The following SH3RF3 variants were observed in gnomAD, a reference collection of about 807,000 sequenced individuals.
SH3RF3 encodes SH3 domain containing ring finger 3.
Under a neutral mutation model 66.3 loss-of-function variants are expected in SH3RF3, and 29 were observed. The ratio of observed to expected loss-of-function variants is 0.44; its 90% confidence interval spans 0.33 to 0.60. The LOEUF is 0.60. Ranked by LOEUF, SH3RF3 falls within the 20% of genes least tolerant of loss-of-function variation. The pLI is 0.04. For missense variants in SH3RF3, 1,194 were observed against 1,190.9 expected, an observed-to-expected ratio of 1.00 and a Z score of -0.04; for synonymous variants, 583 against 532.0, an observed-to-expected ratio of 1.10 and a Z score of -1.32.
chr2:109,386,531 G>A (rs1295338985), intron 3 of SH3RF3, among the ~76,000 whole-genome samples: 2 of 152,228 alleles, frequency 1.3e-5, no homozygotes, highest in African/African-American at 4.8e-5. Context: ...AGCGTTAGCT[G>A]GATCTTGGGC....
chr2:109,140,868 G>A (rs1374578924), intron 1 of SH3RF3, among the ~76,000 whole-genome samples: 1 of 152,164 alleles, frequency 6.6e-6, no homozygotes, highest in Non-Finnish European at 1.5e-5. Context: ...TCTGGCCCCA[G>A]GGGTATCAGT....
rs149819704 is a variant in SH3RF3 at position 109,427,908 on chromosome 2, C to T, written c.1404-4593C>T. ...CATCCTGAGGCCATACCTGCAGCTCCCCAGGTGCTCGCGCACGCTCCTCTG... is the reference window on the plus strand; with the variant it reads ...CATCCTGAGGCCATACCTGCAGCTCTCCAGGTGCTCGCGCACGCTCCTCTG... On this transcript the variant is annotated intron_variant, in intron 5 of 9. Transcript: ENST00000309415. 1.2e-3 allele frequency among the ~76,000 whole-genome samples: 182 copies of T among 152,372 alleles called. 6 individuals carry two copies. In the East Asian group the frequency reaches 0.032, roughly 27 times the overall value.
Position 109,225,113 on chromosome 2 carries a change from CACA to C in SH3RF3, c.573+95001_573+95003del, listed in dbSNP as rs1175778952. ...AACCAACTAAGCTGGATGACACCAG[CACA>C]GTCCCTTAAATTCCCTGGCCTCAGT... On this transcript the variant is annotated intron_variant, in intron 1 of 9. Transcript: ENST00000309415. Among the ~76,000 whole-genome samples the C allele has an allele frequency of 4.5e-4, 69 of 152,300 alleles. 1 individual carries two copies. The highest frequency in any genetic ancestry group is 1.7e-3 in the African/African-American group (69 of 41,540).
In SH3RF3 at chr2:109,228,316, T is replaced by C. The variant is rs541927916; in HGVS notation, c.573+98203T>C. ...TTAATGAGCAGGTGCAATAAATGTGTTGTAGACAGCATCTCTGTTAGTCTG... is the reference window on the plus strand; with the variant it reads ...TTAATGAGCAGGTGCAATAAATGTGCTGTAGACAGCATCTCTGTTAGTCTG... On this transcript the variant is annotated intron_variant, in intron 1 of 9. Coordinates refer to ENST00000309415, the MANE Select transcript of SH3RF3 (RefSeq NM_001099289.3). Among the ~76,000 whole-genome samples the C allele has an allele frequency of 1.7e-4, 26 of 152,318 alleles. No homozygotes were observed. The South Asian group carries it at 5.2e-3, about 30-fold the overall frequency.
chr2:109,158,886 C>T (rs1363169310), intron 1 of SH3RF3, among the ~76,000 whole-genome samples: 1 of 152,138 alleles, frequency 6.6e-6, no homozygotes, highest in African/African-American at 2.4e-5. Flanking sequence ...GAAGTCAAGG[C>T]GGGTGGATCA....
At chr2:109,340,448 C>T (rs1404919164) in intron 1 of SH3RF3, among the ~76,000 whole-genome samples, 3 of 152,178 alleles carry the variant, frequency 2.0e-5, no homozygotes, top group Non-Finnish European at 4.4e-5. Flanking sequence ...GGTTTACACC[C>T]AAGGACCATG....
At chr2:109,410,389 C>T (rs890695871) in intron 4 of SH3RF3, among the ~76,000 whole-genome samples, 5 of 152,354 alleles carry the variant, frequency 3.3e-5, no homozygotes, top group South Asian at 2.1e-4. Context: ...TCAGACTGAG[C>T]TCCAGCCCTG....
At position 109,188,866 on chromosome 2, in the gene SH3RF3, G is replaced by A. The variant is rs565440896; in HGVS notation, c.573+58753G>A. Among the ~76,000 whole-genome samples the A allele has an allele frequency of 8.5e-5, 13 of 152,262 alleles. No individual in the cohort carries two copies. The South Asian group carries it at 1.7e-3, about 19-fold the overall frequency. ...TCTCTGTGCAGTTGCCAGGGGGAACGTGTTCGCTTTGCCGGGGCATTGTGT... is the reference window on the plus strand; with the variant it reads ...TCTCTGTGCAGTTGCCAGGGGGAACATGTTCGCTTTGCCGGGGCATTGTGT... On this transcript the variant is annotated intron_variant, in intron 1 of 9. Coordinates refer to ENST00000309415, the MANE Select transcript of SH3RF3 (RefSeq NM_001099289.3).
chr2:109,293,933 G>A (rs1030197400), intron 1 of SH3RF3, among the ~76,000 whole-genome samples: 6 of 152,146 alleles, frequency 3.9e-5, no homozygotes, highest in East Asian at 1.9e-4. Flanking sequence ...AATGGCCGGC[G>A]CCCTCCTCTA....
At chr2:109,170,207 TTC>T (rs1009059601) in intron 1 of SH3RF3, among the ~76,000 whole-genome samples, 1 of 151,774 alleles carries the variant, frequency 6.6e-6, no homozygotes, top group African/African-American at 2.4e-5. Flanking sequence ...GATGTTTTCT[TTC>T]TCTCTCTTTT....
rs1449177396 is a variant in SH3RF3, at chr2:109,219,009, C to G, written c.573+88896C>G. 2.0e-5 allele frequency among the ~76,000 whole-genome samples: 3 copies of G among 152,340 alleles called. No homozygotes were observed. In the East Asian group the frequency reaches 5.8e-4, roughly 29 times the overall value. On this transcript the variant is annotated intron_variant, in intron 1 of 9. Transcript: ENST00000309415. The stretch of plus-strand genomic sequence containing the variant: ...GGATTATGCCTGTTATGGGCACTGA[C>G]CTCTCTTTCTTGGCTGCAGTGCCAT...
chr2:109,129,934 G>T lies in SH3RF3; in HGVS notation c.394G>T (p.Gly132Cys), dbSNP rs111657252. 1.0e-5 allele frequency: 15 copies of T among 1,481,422 alleles called. No individual in the cohort carries two copies. The highest frequency in any genetic ancestry group is 1.2e-5 in the Non-Finnish European group (13 of 1,122,852). The allele number at this position is 1,481,422 out of a possible 1,614,324, so 91.8% of individuals were successfully genotyped here. ...GCGGCCCCGCGCGGGCACCAGCCCC[G>T]GCGGCAGCCCGCCCGCGCGTCCCAT... is the stretch of plus-strand genomic sequence containing the variant. ...RQRPRAGTSP[G>C]GSPPARPIPG... Residue 132 changes from glycine (G) to cysteine (C), a missense_variant, in exon 1 of 10, where the codon GGC becomes TGC. Gly to Cys is a radical substitution (Grantham distance 159). Coordinates refer to ENST00000309415, the MANE Select transcript of SH3RF3 (RefSeq NM_001099289.3).
At chr2:109,313,923 G>T (rs1485697264) in intron 1 of SH3RF3, among the ~76,000 whole-genome samples, 2 of 152,184 alleles carry the variant, frequency 1.3e-5, no homozygotes, top group African/African-American at 4.8e-5. Context: ...GGACCCGTAT[G>T]CAGGGTGCCG....
chr2:109,316,420 C>T (rs1189048210), intron 1 of SH3RF3, among the ~76,000 whole-genome samples: 1 of 152,210 alleles, frequency 6.6e-6, no homozygotes, highest in South Asian at 2.1e-4. Flanking sequence ...CTGTCTATCA[C>T]AGGAGGAACA....
chr2:109,341,620 A>G (rs1275533408), intron 1 of SH3RF3, among the ~76,000 whole-genome samples: 2 of 152,180 alleles, frequency 1.3e-5, no homozygotes, highest in Non-Finnish European at 2.9e-5. Context: ...TTCTTACTTC[A>G]TGGTATGGGG....
At chr2:109,235,111 C>T (rs555321506) in intron 1 of SH3RF3, among the ~76,000 whole-genome samples, 21 of 152,232 alleles carry the variant, frequency 1.4e-4, no homozygotes, top group African/African-American at 4.3e-4. Flanking sequence ...ATAAGCAGTA[C>T]GGTTTTAGAG....
At chr2:109,448,218 C>G (rs756297833) in intron 7 of SH3RF3, among the ~76,000 whole-genome samples, 2 of 152,200 alleles carry the variant, frequency 1.3e-5, no homozygotes, top group East Asian at 3.8e-4. Flanking sequence ...CACTGAGATG[C>G]TTTCACAGGC....
chr2:109,306,195 C>G (rs1013193900), intron 1 of SH3RF3, among the ~76,000 whole-genome samples: 1 of 152,178 alleles, frequency 6.6e-6, no homozygotes. Flanking sequence ...CAGAGCAGAC[C>G]GTCTTTCAGA....
At chr2:109,293,062 G>C (rs914422118) in intron 1 of SH3RF3, among the ~76,000 whole-genome samples, 1 of 152,202 alleles carries the variant, frequency 6.6e-6, no homozygotes, top group African/African-American at 2.4e-5. Context: ...GTCAGCTGCA[G>C]TTCAGGGAGG....
Sources: gnomAD v4.1 joint callset for allele counts (sites outside exome capture counted in the v4.1 genomes callset) on GRCh38, gnomAD v4.1.1 for gene constraint, MANE v1.5 for transcripts, NCBI Gene and HGNC (gene_info 2026-07-23, HGNC 2026-07-21) for gene names.